The following PHACTR3 variants were observed in gnomAD, a reference collection of about 807,000 sequenced individuals.
PHACTR3 encodes the protein protein phosphatase 1, regulatory subunit 123.
PHACTR3 carries 16 observed loss-of-function variants against 66.8 expected under a neutral mutation model. The ratio of observed to expected loss-of-function variants is 0.24; its 90% confidence interval spans 0.16 to 0.36. The LOEUF (loss-of-function observed/expected upper bound fraction) is 0.36. Among genes scored for constraint, PHACTR3 ranks in the 10% least tolerant of loss-of-function variants. The pLI is 1.00. For synonymous variants in PHACTR3, 323 were observed against 292.1 expected (o/e 1.11, Z -1.08); for missense variants, 647 against 719.9 (o/e 0.90, Z 1.16).
intron 1 of PHACTR3, among the ~76,000 whole-genome samples, chr20:59,684,276 T>C (rs2146552000): frequency 6.6e-6 from 1 of 152,370 alleles, no homozygotes; most frequent in South Asian, 2.1e-4. Flanking sequence ...GGGTCCCTTT[T>C]TGACATTATA....
intron 1 of PHACTR3, among the ~76,000 whole-genome samples, chr20:59,677,161 A>G (rs1019907257): frequency 2.0e-5 from 3 of 152,214 alleles, no homozygotes; most frequent in Non-Finnish European, 4.4e-5. Context: ...CCAGGAAATA[A>G]TAGATTGTCA....
At chr20:59,723,584 G>A (rs180798149) in intron 1 of PHACTR3, among the ~76,000 whole-genome samples, 1 of 152,184 alleles carries the variant, frequency 6.6e-6, no homozygotes, top group Non-Finnish European at 1.5e-5. Flanking sequence ...ACATTTTTGT[G>A]TGGACACCTG....
chr20:59,794,900 T>A (rs1176575161), intron 7 of PHACTR3, among the ~76,000 whole-genome samples: 3 of 152,124 alleles, frequency 2.0e-5, no homozygotes, highest in African/African-American at 7.2e-5. Flanking sequence ...ATTTTTCATC[T>A]CTGATTTTCC....
intron 7 of PHACTR3, among the ~76,000 whole-genome samples, chr20:59,799,523 A>G (rs1293070095): frequency 6.6e-6 from 1 of 152,136 alleles, no homozygotes; most frequent in Non-Finnish European, 1.5e-5. Context: ...CCATTATAAG[A>G]TGACCCTTTT....
intron 1 of PHACTR3, among the ~76,000 whole-genome samples, chr20:59,725,728 G>T (rs1226669203): frequency 6.6e-6 from 1 of 152,186 alleles, no homozygotes. Context: ...GACCCTGAGG[G>T]TACTCTGAGC....
chr20:59,669,041 C>T (rs1263334080), intron 1 of PHACTR3, among the ~76,000 whole-genome samples: 2 of 152,118 alleles, frequency 1.3e-5, no homozygotes, highest in Non-Finnish European at 2.9e-5. Context: ...AACCACTGCG[C>T]CCGGCCCAAA....
chr20:59,746,426 C>G (rs1437685769), intron 2 of PHACTR3, among the ~76,000 whole-genome samples: 1 of 152,202 alleles, frequency 6.6e-6, no homozygotes, highest in African/African-American at 2.4e-5. Context: ...TGACATGGTG[C>G]CTGGCACACA....
intron 7 of PHACTR3, among the ~76,000 whole-genome samples, chr20:59,797,385 C>T (rs1359966303): frequency 6.6e-6 from 1 of 151,598 alleles, no homozygotes; most frequent in Non-Finnish European, 1.5e-5. Context: ...TTTTTGGCAG[C>T]ATCATGTTTC....
intron 1 of PHACTR3, among the ~76,000 whole-genome samples, chr20:59,697,756 A>G (rs1300996851): frequency 2.0e-5 from 3 of 152,280 alleles, no homozygotes; most frequent in Middle Eastern, 3.4e-3. Context: ...TTAATCAATA[A>G]ATTACCCAGT....
At chr20:59,627,725 T>C (rs2034507306) in intron 1 of PHACTR3, among the ~76,000 whole-genome samples, 1 of 152,212 alleles carries the variant, frequency 6.6e-6, no homozygotes, top group Non-Finnish European at 1.5e-5. Context: ...GAAGCGTCTG[T>C]GTATCTATGT....
At position 59,755,206 on chromosome 20, in the gene PHACTR3, C is replaced by A. The variant is rs1268106566; in HGVS notation, c.383C>A (p.Pro128His). ...GATGCTGAAAGCAAAACTTGCAACC[C>A]CGATGGAGGACCCCGATCTGTACAG... ...EQDAESKTCN[P>H]DGGPRSVQSE... Residue 128 changes from proline to histidine, a missense_variant, in exon 4 of 13, where the codon CCC becomes CAC. By Grantham distance (77) the Pro-to-His change is moderately conservative (BLOSUM62 -2). Transcript: ENST00000371015. 1.9e-6 allele frequency: 3 copies of A among 1,613,248 alleles called. No individual in the cohort carries two copies. In the South Asian group the frequency reaches 3.3e-5, roughly 18 times the overall value.
chr20:59,774,920 G>A (rs1026383293), intron 7 of PHACTR3, among the ~76,000 whole-genome samples: 3 of 152,072 alleles, frequency 2.0e-5, no homozygotes, highest in East Asian at 3.9e-4. Flanking sequence ...AAAGCAGGAC[G>A]AGATGGAAGC....
chr20:59,602,063 C>A (rs1404005267), upstream of PHACTR3, among the ~76,000 whole-genome samples: 2 of 152,160 alleles, frequency 1.3e-5, no homozygotes, highest in Non-Finnish European at 2.9e-5. Context: ...AAGTTCCTTC[C>A]ATTCTTTGTC....
chr20:59,723,407 C>G (rs1171543125), intron 1 of PHACTR3, among the ~76,000 whole-genome samples: 1 of 152,052 alleles, frequency 6.6e-6, no homozygotes, highest in Non-Finnish European at 1.5e-5. Flanking sequence ...TCACCTAACA[C>G]CGTGTTTTCA....
intron 1 of PHACTR3, among the ~76,000 whole-genome samples, chr20:59,614,539 G>A (rs1024798258): frequency 1.3e-5 from 2 of 152,186 alleles, no homozygotes; most frequent in African/African-American, 4.8e-5. Context: ...ACGTTGATTA[G>A]TTGGCAGCCA....
intron 8 of PHACTR3, 37 bp from the exon 9 acceptor site, chr20:59,836,468 C>T: frequency 1.3e-6 from 2 of 1,599,530 alleles, no homozygotes; most frequent in Admixed American, 3.5e-5. Context: ...CAGGCAGCCA[C>T]TATGGTGCAA....
At chr20:59,697,635 A>G (rs1917180968) in intron 1 of PHACTR3, among the ~76,000 whole-genome samples, 1 of 152,216 alleles carries the variant, frequency 6.6e-6, no homozygotes, top group South Asian at 2.1e-4. Flanking sequence ...AGGAATAGTC[A>G]TGTTCTAGAC....
At chr20:59,669,546 G>GT (rs1293461860) in intron 1 of PHACTR3, among the ~76,000 whole-genome samples, 1 of 152,184 alleles carries the variant, frequency 6.6e-6, no homozygotes, top group Non-Finnish European at 1.5e-5. Flanking sequence ...TGTGAGCAGT[G>GT]TTTTGCAACC....
Position 59,840,384 on chromosome 20 carries a change from C to T in PHACTR3, c.1400C>T (p.Thr467Ile), listed in dbSNP as rs374188338. ...TCTTTCACAGAAAGGAATGATCAGA[C>T]AGAGCAGGAAGAAAGAAGAGAAATC... ...RNILKQRNDQ[T>I]EQEERREIKQ... is the part of the protein sequence containing the mutation. Residue 467 changes from threonine (T) to isoleucine (I), a missense_variant, in exon 10 of 13, where the codon ACA (threonine) becomes ATA (isoleucine). Coordinates refer to ENST00000371015, the MANE Select transcript of PHACTR3 (RefSeq NM_080672.5). The T allele has an allele frequency of 4.3e-5, 69 of 1,611,580 alleles. 1 individual carries two copies. Among genetic ancestry groups the T allele is most frequent in the Non-Finnish European group, 5.4e-5 (64 of 1,178,546 alleles).
Sources: allele counts gnomAD v4.1 joint callset (sites outside exome capture counted in the v4.1 genomes callset), GRCh38; gene constraint gnomAD v4.1.1; transcripts MANE v1.5; gene names NCBI Gene and HGNC (gene_info 2026-07-23, HGNC 2026-07-21).